FAM171A2: variants seen among roughly 807,000 people sequenced by gnomAD.
The protein encoded by FAM171A2 is family with sequence similarity 171 member A2.
In FAM171A2, 13 loss-of-function variants were observed where a neutral mutation model predicts 34.2. The ratio of observed to expected loss-of-function variants is 0.38; its 90% CI spans 0.25 to 0.60. The LOEUF is 0.60. FAM171A2 is among the 20% of genes least tolerant of loss of function. The probability of loss-of-function intolerance (pLI) is 0.62; values close to 1 mark genes in which losing one functional copy is unlikely to be tolerated. For missense variants in FAM171A2, 950 were observed against 1,180.7 expected (o/e 0.80, Z 2.86); for synonymous variants, 475 against 561.2 (o/e 0.85, Z 2.17).
chr17:44,362,545 G>GC (rs1260562381), intron 1 of FAM171A2, among the ~76,000 whole-genome samples: 1 of 152,220 alleles, frequency 6.6e-6, no homozygotes, highest in African/African-American at 2.4e-5. Context: ...CAGGGATGGG[G>GC]CCCACAGGCA....
rs772445061 is a variant in FAM171A2, at chr17:44,355,022, G to C, written c.1192C>G (p.Leu398Val). The C allele has an allele frequency of 6.6e-7, 1 of 1,526,492 alleles. No homozygotes were observed. The highest frequency in any genetic ancestry group is 1.2e-5 in the South Asian group (1 of 80,028). 94.6% of individuals were successfully genotyped at this position (1,526,492 alleles called of 1,614,324 possible). A position where few individuals can be genotyped will look rare whatever the true frequency, so the allele number is the denominator to read the frequency against. ...GDPEAPPPGP[L>V]HSAFSSSRDL... is the part of the protein sequence containing the mutation. ...CGGGAGCTGGAGAAGGCCGAGTGGAGGGGGCCTGGAGGCGGAGCCTCGGGG... is the reference window on the plus strand; with the variant it reads ...CGGGAGCTGGAGAAGGCCGAGTGGACGGGGCCTGGAGGCGGAGCCTCGGGG... The change falls in exon 8 of 8, where the codon CTC becomes GTC. Residue 398 changes from leucine (L) to valine (V), a missense_variant. Leu to Val is a conservative substitution (Grantham distance 32). Coordinates refer to ENST00000293443, the MANE Select transcript of FAM171A2 (RefSeq NM_198475.3). This position sits in a 1 kb window ranked among gnomAD's most constrained non-coding sequence, Gnocchi z 4.1.
At position 44,355,034 on chromosome 17, in the gene FAM171A2, G is replaced by A; in HGVS notation, c.1180C>T (p.Pro394Ser). The stretch of plus-strand genomic sequence containing the variant: ...AAGGCCGAGTGGAGGGGGCCTGGAG[G>A]CGGAGCCTCGGGGTCCCCCGACGGG... ...PAPSGDPEAP[P>S]PGPLHSAFSS... The change falls in exon 8 of 8, where the codon CCT (proline) becomes TCT (serine). Residue 394 changes from proline (P) to serine (S), a missense_variant. Physicochemically the swap from Pro to Ser is moderately conservative, Grantham distance 74. This residue lies in a region of FAM171A2 where 752 missense variants were observed against 924.5 expected (regional missense o/e 0.81). Transcript: ENST00000293443. This position sits in a 1 kb window ranked among gnomAD's most constrained non-coding sequence, Gnocchi z 4.1. 6.5e-7 allele frequency: 1 copy of A among 1,535,038 alleles called. No homozygotes were observed. Among genetic ancestry groups the A allele is most frequent in the Non-Finnish European group, 8.8e-7 (1 of 1,140,324 alleles).
Position 44,363,777 on chromosome 17 carries a change from G to T in FAM171A2, c.-63C>A. On this transcript the variant is annotated 5_prime_UTR_variant, in exon 1 of 8. Transcript: ENST00000293443. Reference sequence around the variant, plus strand: ...CGCCTGGTCCCGCTCGCCCGGCCCCGCGCAGCCCCAGCTCTGCGCCGCGCC... The same window carrying T: ...CGCCTGGTCCCGCTCGCCCGGCCCCTCGCAGCCCCAGCTCTGCGCCGCGCC... The T allele has an allele frequency of 1.3e-6, 1 of 774,494 alleles. No individual in the cohort carries two copies. Among genetic ancestry groups the T allele is most frequent in the Non-Finnish European group, 1.7e-6 (1 of 586,058 alleles). 48.0% of individuals were successfully genotyped at this position (774,494 alleles called of 1,614,324 possible). A position where few individuals can be genotyped will look rare whatever the true frequency, so the allele number is the denominator to read the frequency against.
chr17:44,354,441 G>A lies in FAM171A2; in HGVS notation c.1773C>T (p.Gly591=). 9.1e-7 allele frequency: 1 copy of A among 1,104,588 alleles called. No homozygotes were observed. Among genetic ancestry groups the A allele is most frequent in the Non-Finnish European group, 1.1e-6 (1 of 903,670 alleles). The allele number at this position is 1,104,588 out of a possible 1,614,324, so 68.4% of individuals were successfully genotyped here. Residue 591 remains glycine, a synonymous_variant, in exon 8 of 8, where the codon GGC becomes GGT. Transcript: ENST00000293443. This position sits in a 1 kb window ranked among gnomAD's most constrained non-coding sequence, Gnocchi z 5.8. ...PQRPQMPGHS[G]PGGEGGGGGG... Reference sequence around the variant, plus strand: ...CGCCCCCGCCGCCCTCGCCCCCCGGGCCCGAGTGGCCCGGCATCTGCGGGC... The same window carrying A: ...CGCCCCCGCCGCCCTCGCCCCCCGGACCCGAGTGGCCCGGCATCTGCGGGC...
At chr17:44,363,434 T>A (rs2048456064) in intron 1 of FAM171A2, among the ~76,000 whole-genome samples, 163 bp downstream of exon 1, 1 of 151,850 alleles carries the variant, frequency 6.6e-6, no homozygotes, top group Admixed American at 6.5e-5. Flanking sequence ...CGCCTCCACT[T>A]TCCCCCAGAA....
rs1477508460 is a variant in FAM171A2, at chr17:44,353,588, C to A, written c.*145G>T. ...GTCCCTTGCAAGACACGACCCAGCA[C>A]CAACCACGGAACAGCTCCAAGGCCC... is the stretch of plus-strand genomic sequence containing the variant. On this transcript the variant is annotated 3_prime_UTR_variant, in exon 8 of 8. Coordinates refer to ENST00000293443, the MANE Select transcript of FAM171A2 (RefSeq NM_198475.3). The A allele has an allele frequency of 1.1e-5, 6 of 569,288 alleles. No individual in the cohort carries two copies. The highest frequency in any genetic ancestry group is 1.5e-5 in the Non-Finnish European group (6 of 404,304). The allele number at this position is 569,288 out of a possible 1,614,324, so 35.3% of individuals were successfully genotyped here.
rs904715378 is a variant in FAM171A2 at position 44,353,917 on chromosome 17, A to T, written c.2297T>A (p.Val766Glu). ...GCGGCTGCGGCCCCGCCCCCGGGGT[A>T]CCGTGGCCGCCCGGCCCTCGGGCGC... Reference protein sequence around the residue: ...VAAPEGRAATVPRGRGRSRGD... With the variant: ...VAAPEGRAATEPRGRGRSRGD... The change falls in exon 8 of 8, where the codon GTA (valine) becomes GAA (glutamate). Residue 766 changes from valine (V) to glutamate (E), a missense_variant. Around this residue, in one of 3 missense-constraint regions of FAM171A2, gnomAD observed 191 missense variants for 222.8 expected, o/e 0.86. Coordinates refer to ENST00000293443, the MANE Select transcript of FAM171A2 (RefSeq NM_198475.3). 1.9e-5 allele frequency: 24 copies of T among 1,297,254 alleles called. No homozygotes were observed. The highest frequency in any genetic ancestry group is 1.3e-4 in the Admixed American group (3 of 23,378). 80.4% of individuals were successfully genotyped at this position (1,297,254 alleles called of 1,614,324 possible). A position where few individuals can be genotyped will look rare whatever the true frequency, so the allele number is the denominator to read the frequency against.
At position 44,357,730 on chromosome 17, in the gene FAM171A2, CGTGTGT is replaced by C. The variant is rs141824631; in HGVS notation, c.440-1148_440-1143del. Among the ~76,000 whole-genome samples the C allele has an allele frequency of 9.1e-5, 13 of 143,356 alleles. No individual in the cohort carries two copies. The East Asian group carries it at 1.2e-3, about 13-fold the overall frequency. The allele number at this position is 143,356 out of a possible 152,430, so 94.0% of individuals were successfully genotyped here. On this transcript the variant is annotated intron_variant, in intron 3 of 7. Transcript: ENST00000293443. Reference sequence around the variant, plus strand: ...GGCTACTGCATTAGACAGTTTAGGTCGTGTGTGTGTGTGTGTGTGTGTGTGTGTTGG... The same window carrying C: ...GGCTACTGCATTAGACAGTTTAGGTCGTGTGTGTGTGTGTGTGTGTGTTGG...
chr17:44,355,749 G>A lies in FAM171A2; in HGVS notation c.988C>T (p.Leu330Phe). Residue 330 changes from leucine to phenylalanine, a missense_variant, in exon 7 of 8, where the codon CTT (leucine) becomes TTT (phenylalanine). Physicochemically the swap from Leu to Phe is conservative, Grantham distance 22 (BLOSUM62 0). This residue lies in a region of FAM171A2 where 752 missense variants were observed against 924.5 expected (regional missense o/e 0.81). Transcript: ENST00000293443. This position sits in a 1 kb window ranked among gnomAD's most constrained non-coding sequence, Gnocchi z 4.1. ...TAGATGAGCAGACACAGCAGGATAA[G>A]CACCAGCAGGGCCAGGGCTGCCAGG... ...TILAALALLV[L>F]ILLCLLIYYC... The A allele has an allele frequency of 6.4e-7, 1 of 1,551,888 alleles. No individual in the cohort carries two copies. The highest frequency in any genetic ancestry group is 8.7e-7 in the Non-Finnish European group (1 of 1,147,060).
rs2048419043 is a variant in FAM171A2 at position 44,355,607 on chromosome 17, A to G, written c.1022+108T>C. Reference sequence around the variant, plus strand: ...TTCAGGTCTTAGCATGTTTGCAGGAAGTCTTTTCCTGTCTGCCCCTTGAGG... The same window carrying G: ...TTCAGGTCTTAGCATGTTTGCAGGAGGTCTTTTCCTGTCTGCCCCTTGAGG... On this transcript the variant is annotated intron_variant, in intron 7 of 7. Coordinates refer to ENST00000293443, the MANE Select transcript of FAM171A2 (RefSeq NM_198475.3). The surrounding 1 kb of genome is among the most constrained non-coding windows in gnomAD (Gnocchi z 4.1). The G allele has an allele frequency of 6.3e-6, 9 of 1,429,020 alleles. No individual in the cohort carries two copies. Among genetic ancestry groups the G allele is most frequent in the Non-Finnish European group, 8.5e-6 (9 of 1,057,584 alleles). The allele number at this position is 1,429,020 out of a possible 1,614,324, so 88.5% of individuals were successfully genotyped here. A position where few individuals can be genotyped will look rare whatever the true frequency, so the allele number is the denominator to read the frequency against.
Position 44,355,807 on chromosome 17 carries a change from G to A in FAM171A2, c.930C>T (p.Ile310=), listed in dbSNP as rs2048420154. 1 of 1,551,744 alleles carries A rather than the reference G, an allele frequency of 6.4e-7. No individual in the cohort carries two copies. Among genetic ancestry groups the A allele is most frequent in the South Asian group, 1.2e-5 (1 of 84,068 alleles). The change falls in exon 7 of 8, where the codon ATC becomes ATT. Residue 310 remains isoleucine (I), a synonymous_variant. Transcript: ENST00000293443. This position sits in a 1 kb window ranked among gnomAD's most constrained non-coding sequence, Gnocchi z 4.1. Reference sequence around the variant, plus strand: ...GCAAGAAGATGGTGTGGTAGGTGCCGATGTCCTGGATGCCCGACGTGATGG... The same window carrying A: ...GCAAGAAGATGGTGTGGTAGGTGCCAATGTCCTGGATGCCCGACGTGATGG... The part of the protein sequence containing the change: ...LVTITSGIQD[I]GTYHTIFLLT...
chr17:44,362,161 C>G (rs569351119), intron 1 of FAM171A2, among the ~76,000 whole-genome samples: 4 of 152,188 alleles, frequency 2.6e-5, no homozygotes, highest in Non-Finnish European at 5.9e-5. Context: ...AACCTGGGCT[C>G]CCCGCCAGCT....
rs1567891237 is a variant in FAM171A2 at position 44,356,182 on chromosome 17, G to T, written c.769C>A (p.Pro257Thr). 4 of 1,547,522 alleles carry T rather than the reference G, an allele frequency of 2.6e-6. No homozygotes were observed. The highest frequency in any genetic ancestry group is 2.6e-6 in the Non-Finnish European group (3 of 1,144,050). ...CCCCTGAGGCACTTACCACTCTTGG[G>T]GTCAAATCTCCAGGCTGGAATGCTG... ...GTSIPAWRFD[P>T]KSGLWVRNGT... Residue 257 changes from proline (P) to threonine (T), a missense_variant, in exon 5 of 8, where the codon CCC becomes ACC. Physicochemically the swap from Pro to Thr is conservative, Grantham distance 38. Around this residue, in one of 3 missense-constraint regions of FAM171A2, gnomAD observed 752 missense variants for 924.5 expected, o/e 0.81. Coordinates refer to ENST00000293443, the MANE Select transcript of FAM171A2 (RefSeq NM_198475.3).
Position 44,355,007 on chromosome 17 carries a change from A to G in FAM171A2, c.1207T>C (p.Ser403Pro), listed in dbSNP as rs1484922700. 6.6e-7 allele frequency: 1 copy of G among 1,511,850 alleles called. No individual in the cohort carries two copies. The highest frequency in any genetic ancestry group is 8.8e-7 in the Non-Finnish European group (1 of 1,130,832). 93.7% of individuals were successfully genotyped at this position (1,511,850 alleles called of 1,614,324 possible). A position where few individuals can be genotyped will look rare whatever the true frequency, so the allele number is the denominator to read the frequency against. Residue 403 changes from serine (S) to proline (P), a missense_variant, in exon 8 of 8, where the codon TCC becomes CCC. By Grantham distance (74) the Ser-to-Pro change is moderately conservative. Coordinates refer to ENST00000293443, the MANE Select transcript of FAM171A2 (RefSeq NM_198475.3). This position sits in a 1 kb window ranked among gnomAD's most constrained non-coding sequence, Gnocchi z 4.1. Reference sequence around the variant, plus strand: ...GAGGAGGCCAAGTCCCGGGAGCTGGAGAAGGCCGAGTGGAGGGGGCCTGGA... The same window carrying G: ...GAGGAGGCCAAGTCCCGGGAGCTGGGGAAGGCCGAGTGGAGGGGGCCTGGA... ...PPPGPLHSAFSSSRDLASSRD... is the reference protein window; with the variant it reads ...PPPGPLHSAFPSSRDLASSRD...
At chr17:44,363,535 G>T in intron 1 of FAM171A2, 62 bp downstream of exon 1, 1 of 758,830 alleles carries the variant, frequency 1.3e-6, no homozygotes, top group Non-Finnish European at 1.8e-6. Context: ...GGGGGCTGAC[G>T]GGCGGGAGCC....
At chr17:44,360,764 T>C (rs2048444759) in intron 1 of FAM171A2, among the ~76,000 whole-genome samples, 1 of 152,170 alleles carries the variant, frequency 6.6e-6, no homozygotes, top group Non-Finnish European at 1.5e-5. Context: ...GTTTGGGGTC[T>C]TGGGAAAAAA....
chr17:44,360,944 G>T (rs2048445401), intron 1 of FAM171A2, among the ~76,000 whole-genome samples: 1 of 152,180 alleles, frequency 6.6e-6, no homozygotes, highest in South Asian at 2.1e-4. Context: ...CTCCCAGCTG[G>T]TCAGCTACAG....
intron 1 of FAM171A2, among the ~76,000 whole-genome samples, chr17:44,363,280 T>C (rs2048455440): frequency 6.6e-6 from 1 of 151,790 alleles, no homozygotes; most frequent in South Asian, 2.1e-4. Context: ...GTGTCTTCGG[T>C]AGACAATGGC....
intron 3 of FAM171A2, 132 bp from the exon 4 acceptor site, chr17:44,356,720 C>G: frequency 3.0e-6 from 3 of 999,974 alleles, no homozygotes; most frequent in Non-Finnish European, 4.2e-6. Context: ...AGGGTGATGC[C>G]TTGGGGAGAA....
Sources: allele counts gnomAD v4.1 joint callset (sites outside exome capture counted in the v4.1 genomes callset), GRCh38; gene constraint gnomAD v4.1.1; regional missense constraint gnomAD v4.1.1; non-coding constraint Gnocchi (gnomAD v3.1); transcripts MANE v1.5; gene names NCBI Gene and HGNC (gene_info 2026-07-23, HGNC 2026-07-21).